The following DCTN1 variants were observed in gnomAD, a reference collection of about 807,000 sequenced individuals.
DCTN1 encodes dynactin subunit 1, also known as 150 kDa dynein-associated polypeptide.
DCTN1 carries 61 observed loss-of-function variants against 161.2 expected under a neutral mutation model. The ratio of observed to expected loss-of-function variants is 0.38; its 90% confidence interval spans 0.31 to 0.47. DCTN1 has a LOEUF of 0.47. Among genes scored for constraint, DCTN1 ranks in the 20% least tolerant of loss-of-function variants. DCTN1 has a pLI of 0.99. For synonymous variants in DCTN1, 653 were observed against 632.4 expected (o/e 1.03, Z -0.49); for missense variants, 1,404 against 1,623.7 (o/e 0.86, Z 2.33).
Position 74,388,155 on chromosome 2 carries a change from C to T in DCTN1, c.-19+3639G>A, listed in dbSNP as rs143503681. Among the ~76,000 whole-genome samples the T allele has an allele frequency of 3.0e-3, 456 of 152,224 alleles. 3 individuals carry two copies. Among genetic ancestry groups the T allele is most frequent in the African/African-American group, 0.011 (448 of 41,506 alleles). On this transcript the variant is annotated intron_variant, in intron 1 of 27. Coordinates refer to the DCTN1 transcript ENST00000409240. ...GAGGTTGCAGTGAGCCAAAATCTCA[C>T]CACCACACTCCAGCCTGGTTGACAG...
At chr2:74,376,636 C>G in intron 5 of DCTN1, 106 bp downstream of exon 5, 1 of 1,143,888 alleles carries the variant, frequency 8.7e-7, no homozygotes, top group Non-Finnish European at 1.3e-6. Context: ...GCCATCCCAG[C>G]CCAAGGTCAC....
At chr2:74,378,839 A>G (rs1675372614) in intron 1 of DCTN1, 1 of 157,464 alleles carries the variant, frequency 6.4e-6, no homozygotes, top group Non-Finnish European at 1.4e-5. Context: ...ACCCCCATCC[A>G]CAAACCCACC....
At position 74,369,956 on chromosome 2, in the gene DCTN1, T is replaced by C; in HGVS notation, c.1392+9A>G. On this transcript the variant is annotated intron_variant, in intron 13 of 31. Coordinates refer to ENST00000628224, the MANE Select transcript of DCTN1 (RefSeq NM_004082.5). The surrounding 1 kb of genome is among the most constrained non-coding windows in gnomAD (Gnocchi z 4.9). Reference sequence around the variant, plus strand: ...CAAGTCAGATGTCAGGGGTCTGCTCTTCTCTTACCAAGTCTCCCACAGTCT... The same window carrying C: ...CAAGTCAGATGTCAGGGGTCTGCTCCTCTCTTACCAAGTCTCCCACAGTCT... 6.2e-7 allele frequency: 1 copy of C among 1,613,864 alleles called. No homozygotes were observed. Among genetic ancestry groups the C allele is most frequent in the Non-Finnish European group, 8.5e-7 (1 of 1,179,790 alleles).
At chr2:74,364,839 T>G in intron 26 of DCTN1, 5 of 570,280 alleles carry the variant, frequency 8.8e-6, no homozygotes, top group Non-Finnish European at 6.3e-6. Context: ...ACTGTCATCA[T>G]TATTCTGAGC....
chr2:74,366,147 C>T, intron 23 of DCTN1, 97 bp downstream of exon 23: 1 of 1,610,860 alleles, frequency 6.2e-7, no homozygotes, highest in South Asian at 1.1e-5. Flanking sequence ...CTCCAGATGC[C>T]TTCCTCCTGT....
At position 74,370,112 on chromosome 2, in the gene DCTN1, C is replaced by A. The variant is rs769011985; in HGVS notation, c.1288-43G>T. On this transcript the variant is annotated intron_variant, in intron 12 of 31. Coordinates refer to ENST00000628224, the MANE Select transcript of DCTN1 (RefSeq NM_004082.5). This position sits in a 1 kb window ranked among gnomAD's most constrained non-coding sequence, Gnocchi z 4.4. ...TAGGGAGAAGGGCTGCTGGAAGGTA[C>A]CTAGAAAGAGGAGGCATCAACTGAT... 4 of 1,614,092 alleles carry A rather than the reference C, an allele frequency of 2.5e-6. No individual in the cohort carries two copies. The highest frequency in any genetic ancestry group is 3.4e-6 in the Non-Finnish European group (4 of 1,180,018).
rs972582505 is a variant in DCTN1 at position 74,377,671 on chromosome 2, G to A, written c.335C>T (p.Ser112Phe). The A allele has an allele frequency of 6.2e-7, 1 of 1,614,176 alleles. No homozygotes were observed. The highest frequency in any genetic ancestry group is 8.5e-7 in the Non-Finnish European group (1 of 1,180,008). ...DTTSPETPDS[S>F]ASKVLKREGT... Reference sequence around the variant, plus strand: ...ACCTCTTTTGAGGACTTTTGAAGCAGAAGAATCAGGTGTCTCTGGGGAAGT... The same window carrying A: ...ACCTCTTTTGAGGACTTTTGAAGCAAAAGAATCAGGTGTCTCTGGGGAAGT... Residue 112 changes from serine to phenylalanine, a missense_variant, in exon 3 of 32, where the codon TCT becomes TTT. Coordinates refer to ENST00000628224, the MANE Select transcript of DCTN1 (RefSeq NM_004082.5).
chr2:74,391,866 C>G (rs28372820), exon 1 of DCTN1: 22,985 of 451,212 alleles, frequency 0.051, 1,481 homozygotes, highest in East Asian at 0.31. Context: ...GCGGGGCCGG[C>G]CCCGCCCTCC....
Position 74,370,565 on chromosome 2 carries a change from T to G in DCTN1, c.1049-21A>C, listed in dbSNP as rs538246858. On this transcript the variant is annotated intron_variant, in intron 10 of 31. Transcript: ENST00000628224. This position sits in a 1 kb window ranked among gnomAD's most constrained non-coding sequence, Gnocchi z 4.4. ...TGAGCCTGGAGAAGATCATTAACAC[T>G]TTCAGGCATGGTTCTCACCTGACCG... 1.5e-3 allele frequency: 2,384 copies of G among 1,614,098 alleles called. 43 individuals carry two copies. In the South Asian group the frequency reaches 0.024, roughly 17 times the overall value.
chr2:74,362,860 A>C, intron 29 of DCTN1, 131 bp from the exon 30 acceptor site: 1 of 1,331,332 alleles, frequency 7.5e-7, no homozygotes. Flanking sequence ...TGAATCAAAC[A>C]AACTGAACAG....
chr2:74,372,895 A>C (rs1231042659), intron 7 of DCTN1, 33 bp downstream of exon 7: 1 of 1,611,234 alleles, frequency 6.2e-7, no homozygotes, highest in Non-Finnish European at 8.5e-7. Context: ...GTGTACACTC[A>C]GCAGTGGCTC....
intron 5 of DCTN1, among the ~76,000 whole-genome samples, chr2:74,375,005 G>A (rs577708801): frequency 1.3e-4 from 19 of 151,772 alleles, no homozygotes; most frequent in Non-Finnish European, 2.5e-4. Flanking sequence ...TTCTGCCCCC[G>A]CCACCCACCT....
At chr2:74,383,074 TC>T (rs1428452143), upstream of DCTN1, among the ~76,000 whole-genome samples, 1 of 147,030 alleles carries the variant, frequency 6.8e-6, no homozygotes, top group Non-Finnish European at 1.5e-5. Flanking sequence ...AGAGCGAGAC[TC>T]CGTCTCAAAA....
At chr2:74,381,299 C>T (rs1675499506), upstream of DCTN1, among the ~76,000 whole-genome samples, 1 of 152,178 alleles carries the variant, frequency 6.6e-6, no homozygotes, top group South Asian at 2.1e-4. Context: ...TGGTATGGAT[C>T]TAGTTCCCTT....
At chr2:74,363,728 C>T in intron 26 of DCTN1, 100 bp from the exon 27 acceptor site, 1 of 1,494,156 alleles carries the variant, frequency 6.7e-7, no homozygotes, top group Non-Finnish European at 9.2e-7. Context: ...TGGACACAAC[C>T]TGCAGGAAAA....
In DCTN1 at chr2:74,380,034, C is replaced by T. The variant is rs1230998095; in HGVS notation, c.4G>A (p.Ala2Thr). The T allele has an allele frequency of 1.2e-6, 2 of 1,613,988 alleles. No homozygotes were observed. Among genetic ancestry groups the T allele is most frequent in the South Asian group, 1.1e-5 (1 of 91,086 alleles). Residue 2 changes from alanine to threonine, a missense_variant, in exon 1 of 32, where the codon GCA becomes ACA. By Grantham distance (58) the Ala-to-Thr change is moderately conservative. Coordinates refer to ENST00000628224, the MANE Select transcript of DCTN1 (RefSeq NM_004082.5). M[A>T]QSKRHVYSRT... is the part of the protein sequence containing the mutation. ...CTGTACACGTGCCTCTTGCTCTGTG[C>T]CATGTTGCTCACCCGGCCTCTACCC...
chr2:74,375,318 A>G (rs1453261462), intron 5 of DCTN1, among the ~76,000 whole-genome samples: 1 of 152,192 alleles, frequency 6.6e-6, no homozygotes, highest in African/African-American at 2.4e-5. Context: ...CTTCCCCTTC[A>G]AAGCATATTC....
At chr2:74,371,361 A>C (rs1395635832) in intron 8 of DCTN1, 176 bp downstream of exon 8, 1 of 1,355,732 alleles carries the variant, frequency 7.4e-7, no homozygotes, top group African/African-American at 1.4e-5. Context: ...GTATGGCATA[A>C]GGGCAAGAAA....
chr2:74,363,841 C>T (rs1674206510), intron 26 of DCTN1: 1 of 664,728 alleles, frequency 1.5e-6, no homozygotes, highest in South Asian at 1.7e-5. Flanking sequence ...AGGAGTGAGG[C>T]CACAAGACAG....
Sources: gnomAD v4.1 joint callset for allele counts (sites outside exome capture counted in the v4.1 genomes callset) on GRCh38, gnomAD v4.1.1 for gene constraint, Gnocchi (gnomAD v3.1) non-coding constraint, MANE v1.5 for transcripts, NCBI Gene and HGNC (gene_info 2026-07-23, HGNC 2026-07-21) for gene names.